The following LAMB1 variants were observed in gnomAD, a reference collection of about 807,000 sequenced individuals.
The protein encoded by LAMB1 is laminin subunit beta 1.
In LAMB1, 121 loss-of-function variants were observed where a neutral mutation model predicts 222.3. That is an observed-to-expected ratio of 0.54 (90% confidence interval 0.47 to 0.63). The LOEUF is 0.63. LAMB1 is among the 30% of genes least tolerant of loss of function. The probability of loss-of-function intolerance (pLI) is 0.00; values close to 1 mark genes in which losing one functional copy is unlikely to be tolerated. For missense variants in LAMB1, 2,172 were observed against 2,240.8 expected (o/e 0.97, Z 0.62); for synonymous variants, 794 against 807.2 (o/e 0.98, Z 0.28).
rs775328220 is a variant in LAMB1, at chr7:107,948,812, C to T, written c.3391+2414G>A. 4.6e-5 allele frequency among the ~76,000 whole-genome samples: 7 copies of T among 152,138 alleles called. 1 individual carries two copies. Among genetic ancestry groups the T allele is most frequent in the African/African-American group, 1.7e-4 (7 of 41,408 alleles). ...CATCTGTCTGCATCCCTGCTGCCCT[C>T]GTGCCACCGGGATTGGCCAGCATAA... is the stretch of plus-strand genomic sequence containing the variant. On this transcript the variant is annotated intron_variant, in intron 24 of 33. Coordinates refer to ENST00000222399, the MANE Select transcript of LAMB1 (RefSeq NM_002291.3).
In LAMB1 at chr7:107,963,033, G is replaced by T. The variant is rs769381358; in HGVS notation, c.1729C>A (p.Gln577Lys). ...CCAGTCCAGGAGGGAATCCGGTCCTGGATATATTGCCGCTCCACTATGCTA... is the reference window on the plus strand; with the variant it reads ...CCAGTCCAGGAGGGAATCCGGTCCTTGATATATTGCCGCTCCACTATGCTA... Reference protein sequence around the residue: ...GVSIVERQYIQDRIPSWTGAG... With the variant: ...GVSIVERQYIKDRIPSWTGAG... The change falls in exon 15 of 34, where the codon CAG becomes AAG. Residue 577 changes from glutamine to lysine, a missense_variant. Transcript: ENST00000222399. The T allele has an allele frequency of 6.2e-7, 1 of 1,613,884 alleles. No homozygotes were observed. The highest frequency in any genetic ancestry group is 1.3e-5 in the African/African-American group (1 of 75,044).
chr7:107,944,571 C>G (rs1476736517), intron 24 of LAMB1, among the ~76,000 whole-genome samples: 1 of 152,104 alleles, frequency 6.6e-6, no homozygotes, highest in Non-Finnish European at 1.5e-5. Flanking sequence ...TCAAATGTAC[C>G]AGGTTTTGAT....
At chr7:107,933,834 C>T (rs934189831) in intron 27 of LAMB1, among the ~76,000 whole-genome samples, 1 of 152,144 alleles carries the variant, frequency 6.6e-6, no homozygotes, top group Non-Finnish European at 1.5e-5. Flanking sequence ...CAGGGAAGGG[C>T]ACACATTTGA....
chr7:107,991,762 G>T (rs2034187795), intron 5 of LAMB1, among the ~76,000 whole-genome samples: 1 of 151,884 alleles, frequency 6.6e-6, no homozygotes, highest in Non-Finnish European at 1.5e-5. Context: ...TACAAAATTA[G>T]CTGGGCATGG....
intron 12 of LAMB1, among the ~76,000 whole-genome samples, chr7:107,973,558 A>G (rs4727695): frequency 0.084 from 12,799 of 152,292 alleles, 598 homozygotes; most frequent in Middle Eastern, 0.15. Flanking sequence ...TTAGAGCACC[A>G]GAGATGGAAA....
chr7:107,944,495 C>T (rs372752897), intron 24 of LAMB1, among the ~76,000 whole-genome samples: 4 of 152,074 alleles, frequency 2.6e-5, no homozygotes, highest in South Asian at 2.1e-4. Flanking sequence ...CACAGATGAC[C>T]GGATTGCAGT....
rs565104965 is a variant in LAMB1, at chr7:107,938,851, C to T, written c.3761+1138G>A. Among the ~76,000 whole-genome samples the T allele has an allele frequency of 4.6e-5, 7 of 152,268 alleles. No homozygotes were observed. The East Asian group carries it at 1.4e-3, about 29-fold the overall frequency. ...GCTACATGGTCTTGGGCATAAAACCCAAGGCTTGACATCAAGGTCCAGTTA... is the reference window on the plus strand; with the variant it reads ...GCTACATGGTCTTGGGCATAAAACCTAAGGCTTGACATCAAGGTCCAGTTA... On this transcript the variant is annotated intron_variant, in intron 25 of 33. Coordinates refer to ENST00000222399, the MANE Select transcript of LAMB1 (RefSeq NM_002291.3).
intron 18 of LAMB1, 148 bp from the exon 19 acceptor site, chr7:107,959,982 G>T: frequency 8.5e-7 from 1 of 1,171,698 alleles, no homozygotes; most frequent in South Asian, 1.6e-5. Flanking sequence ...GGAAGAAAGG[G>T]GAGGCAGAGT....
At chr7:107,931,619 G>A in intron 28 of LAMB1, 119 bp from the exon 29 acceptor site, 1 of 947,732 alleles carries the variant, frequency 1.1e-6, no homozygotes, top group Non-Finnish European at 1.6e-6. Flanking sequence ...CATATGTCTG[G>A]GAAACAACTT....
chr7:107,980,996 G>A lies in LAMB1; in HGVS notation c.677-185C>T, dbSNP rs62468016. Among the ~76,000 whole-genome samples, 1,992 of 152,240 alleles carry A rather than the reference G, an allele frequency of 0.013. 16 individuals are homozygous for A. The highest frequency in any genetic ancestry group is 0.02 in the Non-Finnish European group (1,361 of 68,020). On this transcript the variant is annotated intron_variant, in intron 7 of 33. Transcript: ENST00000222399. ...CATAACATGACTGCAAAGAGGAAAG[G>A]TTACTGCCCTCTCATCAGTTTCATA...
intron 3 of LAMB1, among the ~76,000 whole-genome samples, chr7:107,999,589 A>G (rs1327111957): frequency 6.6e-6 from 1 of 152,150 alleles, no homozygotes; most frequent in East Asian, 1.9e-4. Context: ...ACAGAGACCC[A>G]AAGCCAGGGA....
intron 15 of LAMB1, among the ~76,000 whole-genome samples, chr7:107,961,915 T>G (rs779904732): frequency 2.6e-5 from 4 of 152,186 alleles, no homozygotes; most frequent in Non-Finnish European, 5.9e-5. Flanking sequence ...TCAGTCCACT[T>G]TAAAGCAGCT....
intron 12 of LAMB1, among the ~76,000 whole-genome samples, chr7:107,973,897 C>T (rs1475027216): frequency 6.6e-6 from 1 of 152,178 alleles, no homozygotes; most frequent in Non-Finnish European, 1.5e-5. Flanking sequence ...CCACCTGCCT[C>T]AGCCTCCCAA....
rs573325494 is a variant in LAMB1, at chr7:107,974,944, T to A, written c.1482+42A>T. On this transcript the variant is annotated intron_variant, in intron 12 of 33. Transcript: ENST00000222399. ...AAGGCTTCTCTATTAAAACATGTCATCCTCACCAACCACCCATCCCACGTA... is the reference window on the plus strand; with the variant it reads ...AAGGCTTCTCTATTAAAACATGTCAACCTCACCAACCACCCATCCCACGTA... 21 of 1,138,174 alleles carry A rather than the reference T, an allele frequency of 1.8e-5. No homozygotes were observed. In the South Asian group the frequency reaches 2.3e-4, roughly 13 times the overall value. 70.5% of individuals were successfully genotyped at this position (1,138,174 alleles called of 1,614,324 possible). A position where few individuals can be genotyped will look rare whatever the true frequency, so the allele number is the denominator to read the frequency against.
chr7:108,001,999 C>CCACCAGG, intron 2 of LAMB1: 1 of 1,443,160 alleles, frequency 6.9e-7, no homozygotes, highest in Non-Finnish European at 9.1e-7. Context: ...GGAAACCCAC[C>CCACCAGG]GACGCTCGCG....
chr7:107,965,560 C>G (rs2033616644), intron 13 of LAMB1, among the ~76,000 whole-genome samples: 1 of 152,114 alleles, frequency 6.6e-6, no homozygotes, highest in South Asian at 2.1e-4. Flanking sequence ...GCCTGGGCAA[C>G]AAGAGTGAAA....
chr7:107,979,425 A>C (rs1291308141), intron 8 of LAMB1, among the ~76,000 whole-genome samples: 1 of 152,212 alleles, frequency 6.6e-6, no homozygotes, highest in Non-Finnish European at 1.5e-5. Flanking sequence ...GCTTAGGGGA[A>C]GGAACCCTGG....
intron 17 of LAMB1, 44 bp from the exon 18 acceptor site, chr7:107,960,693 C>T (rs747908980): frequency 1.3e-6 from 2 of 1,553,408 alleles, no homozygotes; most frequent in South Asian, 1.1e-5. Flanking sequence ...CAGTGGTGCC[C>T]CATGGCATGG....
At chr7:107,963,582 A>G (rs1399333054) in intron 14 of LAMB1, among the ~76,000 whole-genome samples, 1 of 152,230 alleles carries the variant, frequency 6.6e-6, no homozygotes, top group African/African-American at 2.4e-5. Context: ...GTGGTTGGTC[A>G]TATCCAAAAA....
Sources: gnomAD v4.1 joint callset for allele counts (sites outside exome capture counted in the v4.1 genomes callset) on GRCh38, gnomAD v4.1.1 for gene constraint, MANE v1.5 for transcripts, NCBI Gene and HGNC (gene_info 2026-07-23, HGNC 2026-07-21) for gene names.